The following PAXIP1 variants were observed in gnomAD, a reference collection of about 807,000 sequenced individuals.
PAXIP1 encodes the protein PAX-interacting protein 1.
A neutral mutation model predicts 140.6 loss-of-function variants in PAXIP1; 19 were observed. That is an observed-to-expected ratio of 0.14 (90% CI 0.09 to 0.20). The LOEUF (loss-of-function observed/expected upper bound fraction) is 0.20. Among genes scored for constraint, PAXIP1 ranks in the 10% least tolerant of loss-of-function variants. The pLI is 1.00. For synonymous variants in PAXIP1, 442 were observed against 444.6 expected, an observed-to-expected ratio of 0.99 and a Z score of 0.07; for missense variants, 920 against 1,208.6, an observed-to-expected ratio of 0.76 and a Z score of 3.54.
At chr7:154,994,376 G>C (rs934799668) in intron 2 of PAXIP1, among the ~76,000 whole-genome samples, 4 of 151,782 alleles carry the variant, frequency 2.6e-5, no homozygotes, top group African/African-American at 9.7e-5. Flanking sequence ...CTCTACTTCA[G>C]AAAATTACTA....
rs1426147737 is a variant in PAXIP1, at chr7:154,959,748, G to C, written c.2478+142C>G. On this transcript the variant is annotated intron_variant, in intron 13 of 20. Transcript: ENST00000404141. Reference sequence around the variant, plus strand: ...GCCTTTCTAACCCTATGAAAAATCAGTCCTAGGATTTACTGGAGTAGATAA... The same window carrying C: ...GCCTTTCTAACCCTATGAAAAATCACTCCTAGGATTTACTGGAGTAGATAA... 4.8e-6 allele frequency: 3 copies of C among 629,754 alleles called. No individual in the cohort carries two copies. The Admixed American group carries it at 8.3e-5, about 17-fold the overall frequency. The allele number at this position is 629,754 out of a possible 1,614,324, so 39.0% of individuals were successfully genotyped here. A position where few individuals can be genotyped will look rare whatever the true frequency, so the allele number is the denominator to read the frequency against.
Position 154,976,129 on chromosome 7 carries a change from G to C in PAXIP1, c.641C>G (p.Thr214Arg). The C allele has an allele frequency of 6.4e-7, 1 of 1,571,984 alleles. No homozygotes were observed. The highest frequency in any genetic ancestry group is 8.6e-7 in the Non-Finnish European group (1 of 1,157,086). ...GCTGGCAGGGCTTGACTTCTCATCT[G>C]TACTACCCTCATTCTGAGAATCTTG... ...EEQDSQNEGS[T>R]DEKSSPASSQ... The change falls in exon 6 of 21, where the codon ACA (threonine) becomes AGA (arginine). Residue 214 changes from threonine to arginine, a missense_variant. Thr to Arg is a moderately conservative substitution (Grantham distance 71). Transcript: ENST00000404141.
chr7:154,979,578 A>G (rs1809747758), intron 5 of PAXIP1, among the ~76,000 whole-genome samples: 1 of 151,826 alleles, frequency 6.6e-6, no homozygotes, highest in Admixed American at 6.6e-5. Flanking sequence ...AATTTTTCAA[A>G]TATTTGTGGT....
chr7:154,995,227 G>A (rs1398046248), intron 2 of PAXIP1, among the ~76,000 whole-genome samples: 1 of 152,214 alleles, frequency 6.6e-6, no homozygotes, highest in Non-Finnish European at 1.5e-5. Flanking sequence ...TGTGTAAAGT[G>A]GGAGGGGCCA....
At chr7:154,985,893 G>T in intron 4 of PAXIP1, 1 of 659,774 alleles carries the variant, frequency 1.5e-6, no homozygotes, top group Non-Finnish European at 2.3e-6. Flanking sequence ...AGGCACATGG[G>T]TAGGCAGTCA....
At chr7:154,969,349 T>C (rs1809189280) in intron 6 of PAXIP1, among the ~76,000 whole-genome samples, 1 of 152,252 alleles carries the variant, frequency 6.6e-6, no homozygotes, top group South Asian at 2.1e-4. Context: ...CACCAAAATT[T>C]GAAACTACAT....
At chr7:154,987,590 C>T (rs1810134619) in intron 4 of PAXIP1, among the ~76,000 whole-genome samples, 1 of 152,184 alleles carries the variant, frequency 6.6e-6, no homozygotes, top group South Asian at 2.1e-4. Context: ...CACTTCCATA[C>T]CTTATCAACA....
intron 5 of PAXIP1, among the ~76,000 whole-genome samples, chr7:154,978,053 T>C (rs541669516): frequency 3.9e-4 from 60 of 151,970 alleles, no homozygotes; most frequent in African/African-American, 1.4e-3. Flanking sequence ...GGCAATCTTT[T>C]ACAAATCTTG....
At position 154,998,697 on chromosome 7, in the gene PAXIP1, G is replaced by A. The variant is rs1462939616; in HGVS notation, c.169C>T (p.Pro57Ser). The change falls in exon 2 of 21, where the codon CCA becomes TCA. Residue 57 changes from proline (P) to serine (S), a missense_variant. Around this residue, in one of 5 missense-constraint regions of PAXIP1, gnomAD observed 419 missense variants for 514.7 expected, o/e 0.81. Transcript: ENST00000404141. ...ACTTCCCGAGCTTCTCCCACCTCTG[G>A]ATTGTCCCCATCCTCTGAGATTATG... ...SHIISEDGDNPEVGEAREVFD... is the reference protein window; with the variant it reads ...SHIISEDGDNSEVGEAREVFD... 9 of 1,613,360 alleles carry A rather than the reference G, an allele frequency of 5.6e-6. No individual in the cohort carries two copies. Among genetic ancestry groups the A allele is most frequent in the Non-Finnish European group, 7.6e-6 (9 of 1,179,450 alleles).
intron 12 of PAXIP1, among the ~76,000 whole-genome samples, chr7:154,960,554 G>A (rs1808712761): frequency 6.6e-6 from 1 of 152,184 alleles, no homozygotes; most frequent in Admixed American, 6.5e-5. Flanking sequence ...GCACATGCCT[G>A]TAGTCCCAGC....
At chr7:155,002,115 C>T (rs1299524680) in intron 1 of PAXIP1, 3 of 152,240 alleles carry the variant, frequency 2.0e-5, no homozygotes, top group African/African-American at 4.8e-5. Flanking sequence ...AACTGTGTGA[C>T]ATCAAACAGA....
At chr7:154,994,346 A>G (rs1258106176) in intron 2 of PAXIP1, among the ~76,000 whole-genome samples, 1 of 152,200 alleles carries the variant, frequency 6.6e-6, no homozygotes, top group African/African-American at 2.4e-5. Context: ...TTATAATTAT[A>G]CAAATCATTC....
intron 6 of PAXIP1, among the ~76,000 whole-genome samples, chr7:154,975,016 G>A (rs1444690796): frequency 6.7e-6 from 1 of 149,308 alleles, no homozygotes; most frequent in Non-Finnish European, 1.5e-5. Flanking sequence ...AATTAGCCAG[G>A]CATGGTGGCA....
At chr7:154,982,421 A>G (rs1439800984) in intron 5 of PAXIP1, among the ~76,000 whole-genome samples, 2 of 98,004 alleles carry the variant, frequency 2.0e-5, no homozygotes, top group African/African-American at 7.0e-5. Context: ...GTGTGATCTC[A>G]GCTCACTGCA....
intron 8 of PAXIP1, among the ~76,000 whole-genome samples, chr7:154,967,166 CTG>C (rs1369522055): frequency 1.3e-5 from 2 of 152,226 alleles, no homozygotes; most frequent in African/African-American, 4.8e-5. Flanking sequence ...TTCTCCGTCT[CTG>C]TGATTTCGCA....
Position 154,957,215 on chromosome 7 carries a change from T to C in PAXIP1, c.2549+9A>G. On this transcript the variant is annotated intron_variant, in intron 14 of 20. Coordinates refer to ENST00000404141, the MANE Select transcript of PAXIP1 (RefSeq NM_007349.4). ...CCAGCAATGAAAAATTTAAGGTTAT[T>C]ACTCATACCTGGCTCTTTTGGAAGA... 1.3e-6 allele frequency: 2 copies of C among 1,557,586 alleles called. No individual in the cohort carries two copies. Among genetic ancestry groups the C allele is most frequent in the Non-Finnish European group, 8.8e-7 (1 of 1,135,574 alleles).
chr7:154,955,493 G>T, intron 15 of PAXIP1, 36 bp downstream of exon 15: 1 of 1,281,306 alleles, frequency 7.8e-7, no homozygotes, highest in Non-Finnish European at 1.1e-6. Context: ...AAAGGACACT[G>T]CTAAAAATCC....
At chr7:154,971,530 G>C (rs1809328532) in intron 6 of PAXIP1, among the ~76,000 whole-genome samples, 2 of 152,194 alleles carry the variant, frequency 1.3e-5, no homozygotes, top group Admixed American at 1.3e-4. Context: ...ACATTCATCC[G>C]ATCACTTTTT....
At chr7:154,996,716 AC>A (rs1810637428) in intron 2 of PAXIP1, among the ~76,000 whole-genome samples, 1 of 152,208 alleles carries the variant, frequency 6.6e-6, no homozygotes, top group Non-Finnish European at 1.5e-5. Flanking sequence ...TTTATTATTT[AC>A]TTGCCTTTTA....
Sources: gnomAD v4.1 joint callset for allele counts (sites outside exome capture counted in the v4.1 genomes callset) on GRCh38, gnomAD v4.1.1 for gene constraint, gnomAD v4.1.1 regional missense constraint, MANE v1.5 for transcripts, NCBI Gene and HGNC (gene_info 2026-07-23, HGNC 2026-07-21) for gene names.